ACSM1: variants seen among roughly 807,000 people sequenced by gnomAD.
The protein encoded by ACSM1 is acyl-CoA synthetase medium chain family member 1.
A neutral mutation model predicts 75.8 loss-of-function variants in ACSM1; 79 were observed. The ratio of observed to expected loss-of-function variants is 1.04; its 90% confidence interval spans 0.87 to 1.26. The LOEUF is 1.26. ACSM1 is among the 50% of genes most tolerant of loss of function. The probability of loss-of-function intolerance (pLI) is 0.00; values close to 1 mark genes in which losing one functional copy is unlikely to be tolerated. For missense variants in ACSM1, 676 were observed against 720.1 expected, an observed-to-expected ratio of 0.94 and a Z score of 0.70; for synonymous variants, 279 against 265.8, an observed-to-expected ratio of 1.05 and a Z score of -0.48.
At chr16:20,656,463 G>A (rs2018964074) in intron 7 of ACSM1, among the ~76,000 whole-genome samples, 1 of 152,058 alleles carries the variant, frequency 6.6e-6, no homozygotes, top group Non-Finnish European at 1.5e-5. Context: ...ACCCCACCGA[G>A]TGGAAATTTG....
intron 5 of ACSM1, among the ~76,000 whole-genome samples, chr16:20,670,975 G>A (rs1482608907): frequency 6.6e-6 from 1 of 152,216 alleles, no homozygotes; most frequent in Non-Finnish European, 1.5e-5. Context: ...GAGAAGGAGA[G>A]GTTTGGTTTG....
chr16:20,677,729 T>C (rs1276572800), intron 4 of ACSM1, among the ~76,000 whole-genome samples: 1 of 152,156 alleles, frequency 6.6e-6, no homozygotes, highest in Non-Finnish European at 1.5e-5. Context: ...AGTCTTTGCC[T>C]ACAGAAACTT....
intron 10 of ACSM1, among the ~76,000 whole-genome samples, chr16:20,631,350 G>C (rs188267474): frequency 1.9e-4 from 29 of 152,242 alleles, no homozygotes; most frequent in Admixed American, 3.9e-4. Context: ...TGCAAAAATT[G>C]TCATTGTTAA....
Position 20,625,445 on chromosome 16 carries a change from C to A in ACSM1, c.1505G>T (p.Ser502Ile). Residue 502 changes from serine (S) to isoleucine (I), a missense_variant, in exon 12 of 14, where the codon AGC becomes ATC. By Grantham distance (142) the Ser-to-Ile change is moderately radical. Coordinates refer to ENST00000520010, the MANE Select transcript of ACSM1 (RefSeq NM_001318890.3). The stretch of plus-strand genomic sequence containing the variant: ...CACCTCCCCTCGAATCGGGTCTGGG[C>A]TGCCCACCACGGCTGACTCCGCCAC... Reference protein sequence around the residue: ...PAVAESAVVGSPDPIRGEVVK... With the variant: ...PAVAESAVVGIPDPIRGEVVK... 1 of 1,614,108 alleles carries A rather than the reference C, an allele frequency of 6.2e-7. No individual in the cohort carries two copies. Among genetic ancestry groups the A allele is most frequent in the Non-Finnish European group, 8.5e-7 (1 of 1,180,036 alleles).
chr16:20,677,975 T>G (rs2079342253), intron 4 of ACSM1, among the ~76,000 whole-genome samples: 1 of 148,702 alleles, frequency 6.7e-6, no homozygotes, highest in Non-Finnish European at 1.5e-5. Flanking sequence ...AGAGATGCAC[T>G]GCAAGGGGCA....
At chr16:20,625,055 T>C (rs1034870350) in intron 12 of ACSM1, among the ~76,000 whole-genome samples, 1 of 152,164 alleles carries the variant, frequency 6.6e-6, no homozygotes, top group Non-Finnish European at 1.5e-5. Context: ...TGCATGTATG[T>C]TCGGGAGCCA....
chr16:20,679,265 C>T (rs935360413), intron 4 of ACSM1: 4 of 152,258 alleles, frequency 2.6e-5, no homozygotes, highest in Non-Finnish European at 4.4e-5. Context: ...TTGCCCCACC[C>T]GAATAGACCT....
intron 10 of ACSM1, 124 bp downstream of exon 10, chr16:20,636,615 G>T: frequency 1.4e-6 from 1 of 705,104 alleles, no homozygotes; most frequent in Non-Finnish European, 2.4e-6. Flanking sequence ...GCTTCGAGTT[G>T]AATGAAAACT....
chr16:20,684,752 A>T (rs1001910664), intron 3 of ACSM1, among the ~76,000 whole-genome samples: 6 of 152,204 alleles, frequency 3.9e-5, no homozygotes, highest in Non-Finnish European at 8.8e-5. Context: ...AAGGGAGAGA[A>T]AGAGAGAGGG....
intron 4 of ACSM1, among the ~76,000 whole-genome samples, chr16:20,678,925 C>T (rs181459409): frequency 6.6e-6 from 1 of 152,242 alleles, no homozygotes; most frequent in South Asian, 2.1e-4. Flanking sequence ...GGCCACCCCC[C>T]ATCATCTGTA....
intron 7 of ACSM1, 144 bp from the exon 8 acceptor site, chr16:20,640,728 G>T: frequency 7.2e-7 from 1 of 1,388,534 alleles, no homozygotes. Context: ...GTTGGCCATG[G>T]CCAAGTGGAT....
intron 2 of ACSM1, among the ~76,000 whole-genome samples, chr16:20,690,352 G>C (rs1399351688): frequency 6.6e-6 from 1 of 152,116 alleles, no homozygotes; most frequent in Admixed American, 6.6e-5. Context: ...TTCTCTCTTG[G>C]TCTGTGTCTT....
rs578227583 is a variant in ACSM1 at position 20,634,556 on chromosome 16, C to A, written c.1299+2183G>T. Among the ~76,000 whole-genome samples the A allele has an allele frequency of 2.3e-3, 350 of 152,236 alleles. 1 individual carries two copies. Among genetic ancestry groups the A allele is most frequent in the African/African-American group, 7.7e-3 (320 of 41,548 alleles). On this transcript the variant is annotated intron_variant, in intron 10 of 13. Transcript: ENST00000520010. ...TGTTACATGCTAAGACATAGATGAACCTTGAAAACGTTATGCTAAGTGAAA... is the reference window on the plus strand; with the variant it reads ...TGTTACATGCTAAGACATAGATGAAACTTGAAAACGTTATGCTAAGTGAAA...
At chr16:20,661,727 G>A in intron 7 of ACSM1, 67 bp downstream of exon 7, 1 of 1,186,714 alleles carries the variant, frequency 8.4e-7, no homozygotes. Context: ...AAGAAAAACA[G>A]ACCATGATGT....
At chr16:20,624,850 C>G (rs574484996) in intron 12 of ACSM1, among the ~76,000 whole-genome samples, 111 of 151,930 alleles carry the variant, frequency 7.3e-4, no homozygotes, top group Non-Finnish European at 1.4e-3. Flanking sequence ...GCCCACCCCC[C>G]ATTCCACCCA....
intron 8 of ACSM1, among the ~76,000 whole-genome samples, chr16:20,639,729 G>A (rs756124125): frequency 6.6e-6 from 1 of 152,186 alleles, no homozygotes; most frequent in Admixed American, 6.5e-5. Context: ...CGATGGGGCT[G>A]TGTCCCGCAC....
chr16:20,670,344 T>G (rs2019827025), intron 5 of ACSM1, among the ~76,000 whole-genome samples: 1 of 152,164 alleles, frequency 6.6e-6, no homozygotes, highest in Non-Finnish European at 1.5e-5. Flanking sequence ...CCACTCTATT[T>G]CCTGAAATCT....
chr16:20,672,215 G>GT (rs1362216991), intron 4 of ACSM1, among the ~76,000 whole-genome samples: 1 of 150,608 alleles, frequency 6.6e-6, no homozygotes, highest in African/African-American at 2.4e-5. Flanking sequence ...TGCTAAGCTT[G>GT]TTTTTTAAAA....
Position 20,685,295 on chromosome 16 carries a change from C to T in ACSM1, c.301G>A (p.Val101Ile), listed in dbSNP as rs145295167. ...TGTAGGCCACAGGTCTGTGTGAAGA[C>T]GTTGGCTACACGGCGGGTTAGGTCT... Reference protein sequence around the residue: ...MGDLTRRVANVFTQTCGLQQG... With the variant: ...MGDLTRRVANIFTQTCGLQQG... The change falls in exon 3 of 14, where the codon GTC (valine) becomes ATC (isoleucine). Residue 101 changes from valine (V) to isoleucine (I), a missense_variant. Physicochemically the swap from Val to Ile is conservative, Grantham distance 29. Coordinates refer to ENST00000520010, the MANE Select transcript of ACSM1 (RefSeq NM_001318890.3). 1.2e-4 allele frequency: 201 copies of T among 1,614,228 alleles called. 2 individuals carry two copies. In the African/African-American group the frequency reaches 2.1e-3, roughly 16 times the overall value.
Sources: gnomAD v4.1 joint callset for allele counts (sites outside exome capture counted in the v4.1 genomes callset) on GRCh38, gnomAD v4.1.1 for gene constraint, MANE v1.5 for transcripts, NCBI Gene and HGNC (gene_info 2026-07-23, HGNC 2026-07-21) for gene names.